GRK5: variants seen among roughly 807,000 people sequenced by gnomAD.
GRK5 encodes g protein-coupled receptor kinase GRK5.
GRK5 carries 40 observed loss-of-function variants against 78.4 expected under a neutral mutation model. That is an observed-to-expected ratio of 0.51 (90% CI 0.40 to 0.66). The LOEUF (loss-of-function observed/expected upper bound fraction) is 0.66, where lower values mean the gene tolerates loss of function less well. Ranked by LOEUF, GRK5 falls within the 30% of genes least tolerant of loss-of-function variation. The pLI is 0.00. For synonymous variants in GRK5, 289 were observed against 296.8 expected (o/e 0.97, Z 0.27); for missense variants, 598 against 759.9 (o/e 0.79, Z 2.50).
intron 1 of GRK5, among the ~76,000 whole-genome samples, chr10:119,240,469 G>A (rs1254939396): frequency 6.6e-6 from 1 of 151,814 alleles, no homozygotes; most frequent in Non-Finnish European, 1.5e-5. Context: ...CCAAAGTGCT[G>A]GGATTACAGG....
At chr10:119,268,915 T>C (rs1341193750) in intron 1 of GRK5, among the ~76,000 whole-genome samples, 1 of 152,214 alleles carries the variant, frequency 6.6e-6, no homozygotes, top group African/African-American at 2.4e-5. Context: ...TGGGGTGACT[T>C]GTGAGTAGAT....
chr10:119,424,187 G>A (rs1305174550), intron 5 of GRK5, among the ~76,000 whole-genome samples: 1 of 152,146 alleles, frequency 6.6e-6, no homozygotes, highest in Non-Finnish European at 1.5e-5. Context: ...CTTGGTTGGT[G>A]ACTCTGACCC....
At chr10:119,288,273 A>T (rs1424774972) in intron 1 of GRK5, among the ~76,000 whole-genome samples, 1 of 152,206 alleles carries the variant, frequency 6.6e-6, no homozygotes, top group Non-Finnish European at 1.5e-5. Context: ...GAGTGGCAGA[A>T]GGTCTGTGGA....
intron 3 of GRK5, among the ~76,000 whole-genome samples, chr10:119,381,567 G>T (rs1444412523): frequency 6.6e-6 from 1 of 152,252 alleles, no homozygotes; most frequent in East Asian, 1.9e-4. Context: ...AACAAATGCT[G>T]ATTGATTGCA....
At chr10:119,390,255 A>C (rs1191042423) in intron 3 of GRK5, among the ~76,000 whole-genome samples, 2 of 151,202 alleles carry the variant, frequency 1.3e-5, no homozygotes, top group Non-Finnish European at 3.0e-5. Flanking sequence ...TGGGCAGTTT[A>C]CAAAAGAAAG....
At chr10:119,340,478 AT>A (rs1302912673) in intron 2 of GRK5, among the ~76,000 whole-genome samples, 8 of 152,226 alleles carry the variant, frequency 5.3e-5, no homozygotes, top group Non-Finnish European at 1.0e-4. Flanking sequence ...ATATATGTCA[AT>A]GGTTGCAATT....
chr10:119,434,600 G>T (rs879665519), intron 8 of GRK5, among the ~76,000 whole-genome samples: 3 of 152,262 alleles, frequency 2.0e-5, no homozygotes, highest in African/African-American at 7.2e-5. Flanking sequence ...CCAAGACGTG[G>T]GTTCCCACGG....
chr10:119,346,073 T>A (rs189812609), intron 2 of GRK5, among the ~76,000 whole-genome samples: 25 of 150,850 alleles, frequency 1.7e-4, no homozygotes, highest in African/African-American at 5.6e-4. Context: ...GGAGCAGGAC[T>A]AGGCTTCAGG....
In GRK5 at chr10:119,452,526, C is replaced by T; in HGVS notation, c.1405-145C>T. 1.1e-6 allele frequency: 1 copy of T among 952,302 alleles called. No individual in the cohort carries two copies. The highest frequency in any genetic ancestry group is 2.6e-5 in the East Asian group (1 of 37,900). 59.0% of individuals were successfully genotyped at this position (952,302 alleles called of 1,614,324 possible). A position where few individuals can be genotyped will look rare whatever the true frequency, so the allele number is the denominator to read the frequency against. ...CCTGGACTCACCTGCATCTGAGCCA[C>T]ACACCCTCCAGCCACTACCCATAGC... On this transcript the variant is annotated intron_variant, in intron 13 of 15. Transcript: ENST00000392870. This position sits in a 1 kb window ranked among gnomAD's most constrained non-coding sequence, Gnocchi z 4.4.
intron 1 of GRK5, among the ~76,000 whole-genome samples, chr10:119,209,580 G>C (rs1486503671): frequency 6.7e-6 from 1 of 149,090 alleles, no homozygotes; most frequent in Non-Finnish European, 1.5e-5. Context: ...CTGGGTTGGG[G>C]AATGGTCCTG....
Position 119,458,872 on chromosome 10 carries a change from C to A in GRK5, c.*3805C>A, listed in dbSNP as rs1853441553. 1 of 152,124 alleles carries A rather than the reference C, an allele frequency of 6.6e-6. No homozygotes were observed. Among genetic ancestry groups the A allele is most frequent in the Non-Finnish European group, 1.5e-5 (1 of 68,036 alleles). The allele number at this position is 152,124 out of a possible 1,614,324, so 9.4% of individuals were successfully genotyped here. A position where few individuals can be genotyped will look rare whatever the true frequency, so the allele number is the denominator to read the frequency against. ...CTCAAAACGGAGGGGGCACCGCAGC[C>A]TCCTTGAGCCTGGCATCCCAGGCCT... On this transcript the variant is annotated 3_prime_UTR_variant, in exon 16 of 16. Transcript: ENST00000392870.
chr10:119,407,421 A>G (rs1182142711), intron 4 of GRK5, among the ~76,000 whole-genome samples: 5 of 152,192 alleles, frequency 3.3e-5, no homozygotes, highest in East Asian at 3.9e-4. Context: ...CTGGGTTTCA[A>G]TTCCTCTGAG....
At position 119,448,181 on chromosome 10, in the gene GRK5, T is replaced by G. The variant is rs1589816259; in HGVS notation, c.1325T>G (p.Val442Gly). ...LGCQEEGAAE[V>G]KRHPFFRNMN... is the part of the protein sequence containing the mutation. ...TGCCAGGAGGAGGGGGCTGCAGAGG[T>G]CAAGAGACACCCCTTCTTCAGGAAC... The change falls in exon 13 of 16, where the codon GTC (valine) becomes GGC (glycine). Residue 442 changes from valine (V) to glycine (G), a missense_variant. Transcript: ENST00000392870. 6.3e-7 allele frequency: 1 copy of G among 1,588,988 alleles called. No homozygotes were observed. Among genetic ancestry groups the G allele is most frequent in the African/African-American group, 1.4e-5 (1 of 73,032 alleles).
intron 13 of GRK5, 116 bp downstream of exon 13, chr10:119,448,376 G>A (rs756248264): frequency 9.8e-6 from 12 of 1,220,008 alleles, no homozygotes; most frequent in Non-Finnish European, 1.2e-5. Flanking sequence ...GTCTTTGTGG[G>A]GACCAGGGTC....
intron 1 of GRK5, among the ~76,000 whole-genome samples, chr10:119,274,913 C>G (rs1163585930): frequency 2.0e-5 from 3 of 152,244 alleles, no homozygotes; most frequent in Middle Eastern, 3.4e-3. Context: ...AAACAAAGAC[C>G]CTTTTAGTTT....
intron 2 of GRK5, among the ~76,000 whole-genome samples, chr10:119,327,458 C>T (rs1850698846): frequency 6.6e-6 from 1 of 152,196 alleles, no homozygotes; most frequent in South Asian, 2.1e-4. Flanking sequence ...AGGTCATGGA[C>T]GTGCTGAACA....
chr10:119,314,439 G>A (rs192141014), intron 1 of GRK5, among the ~76,000 whole-genome samples: 139 of 152,342 alleles, frequency 9.1e-4, no homozygotes, highest in African/African-American at 3.0e-3. Flanking sequence ...TGGTGAAGCT[G>A]GTGGTGCCAG....
intron 2 of GRK5, among the ~76,000 whole-genome samples, chr10:119,356,315 A>G (rs1203143466): frequency 1.3e-5 from 2 of 152,218 alleles, no homozygotes; most frequent in Non-Finnish European, 2.9e-5. Flanking sequence ...ATTTGCTTAG[A>G]CCTTCTTCCT....
intron 1 of GRK5, among the ~76,000 whole-genome samples, chr10:119,283,924 G>A (rs1418836372): frequency 6.6e-6 from 1 of 152,242 alleles, no homozygotes; most frequent in Admixed American, 6.5e-5. Context: ...ATGAGCAAGA[G>A]CAGCCAACAT....
Sources: allele counts gnomAD v4.1 joint callset (sites outside exome capture counted in the v4.1 genomes callset), GRCh38; gene constraint gnomAD v4.1.1; non-coding constraint Gnocchi (gnomAD v3.1); transcripts MANE v1.5; gene names NCBI Gene and HGNC (gene_info 2026-07-23, HGNC 2026-07-21).